The following ESR1 variants were observed in gnomAD, a reference collection of about 807,000 sequenced individuals.
The protein encoded by ESR1 is estrogen receptor 1, also known as estrogen receptor.
A neutral mutation model predicts 52.7 loss-of-function variants in ESR1; 12 were observed. That is an observed-to-expected ratio of 0.23 (90% CI 0.15 to 0.37). The LOEUF is 0.37. ESR1 is among the 10% of genes least tolerant of loss of function. The pLI, the probability that ESR1 is intolerant of heterozygous loss-of-function variation, is 1.00. For synonymous variants in ESR1, 305 were observed against 316.8 expected (o/e 0.96, Z 0.39); for missense variants, 584 against 779.7 (o/e 0.75, Z 2.99).
intron 1 of ESR1, among the ~76,000 whole-genome samples, chr6:151,832,441 A>G (rs1782596423): frequency 6.6e-6 from 1 of 152,252 alleles, no homozygotes; most frequent in African/African-American, 2.4e-5. Context: ...CATAGCAATT[A>G]GAAATACCCA....
chr6:152,077,243 T>C (rs2048815289), intron 6 of ESR1, among the ~76,000 whole-genome samples: 1 of 152,200 alleles, frequency 6.6e-6, no homozygotes, highest in Admixed American at 6.5e-5. Context: ...CCCCAAACCT[T>C]GGCAGCTTTC....
chr6:152,071,208 G>C (rs1338245170), intron 6 of ESR1, among the ~76,000 whole-genome samples: 1 of 144,496 alleles, frequency 6.9e-6, no homozygotes, highest in Non-Finnish European at 1.5e-5. Context: ...ATGATCTGAT[G>C]GTAAAGACAG....
rs181688966 is a variant in ESR1 at position 151,844,664 on chromosome 6, C to T, written c.643+1877C>T. ...TAACAGATCAGCCCTGGCCCGTGGC[C>T]GATCCCTGATTTAATGTTTATTTAT... On this transcript the variant is annotated intron_variant, in intron 2 of 7. Transcript: ENST00000206249. Among the ~76,000 whole-genome samples, 3 of 152,176 alleles carry T rather than the reference C, an allele frequency of 2.0e-5. No individual in the cohort carries two copies. In the East Asian group the frequency reaches 5.8e-4, roughly 29 times the overall value.
chr6:151,711,978 C>T lies in ESR1; in HGVS notation c.-71+9973C>T, dbSNP rs906700421. On this transcript the variant is annotated intron_variant, in intron 2 of 2. Transcript: ENST00000404742. ...TTTTCTTCTAGGGTTTTTATGGTTT[C>T]GGGTCTTACATTTAAGTTTTTAATC... is the stretch of plus-strand genomic sequence containing the variant. Among the ~76,000 whole-genome samples, 8 of 152,116 alleles carry T rather than the reference C, an allele frequency of 5.3e-5. No homozygotes were observed. In the East Asian group the frequency reaches 5.8e-4, roughly 11 times the overall value.
chr6:151,766,575 T>C (rs1333305076), intron 2 of ESR1, among the ~76,000 whole-genome samples: 1 of 152,164 alleles, frequency 6.6e-6, no homozygotes, highest in Admixed American at 6.5e-5. Context: ...AATATCAAGA[T>C]TCTATTTGAA....
intron 3 of ESR1, among the ~76,000 whole-genome samples, chr6:151,918,034 G>A (rs1308076455): frequency 2.6e-5 from 4 of 152,214 alleles, no homozygotes; most frequent in Admixed American, 1.3e-4. Context: ...TTTGTCAAGT[G>A]CTTTTCAGTC....
intron 2 of ESR1, among the ~76,000 whole-genome samples, chr6:151,769,747 T>C (rs1785357119): frequency 6.6e-6 from 1 of 152,218 alleles, no homozygotes; most frequent in African/African-American, 2.4e-5. Context: ...GGATATTTAT[T>C]TATGTTTCCA....
At chr6:151,865,747 T>C (rs1789782852) in intron 2 of ESR1, among the ~76,000 whole-genome samples, 1 of 152,164 alleles carries the variant, frequency 6.6e-6, no homozygotes, top group Admixed American at 6.6e-5. Flanking sequence ...GTGTGGCCTG[T>C]GGATGTTAAG....
At position 151,781,903 on chromosome 6, in the gene ESR1, T is replaced by C. The variant is rs1383509915; in HGVS notation, c.-70-25940T>C. On this transcript the variant is annotated intron_variant, in intron 2 of 2. Transcript: ENST00000404742. ...AGAGTGTCTGGTATAAATGATTTTATTGTTACTCTGCTTTTTTGAAAAAGA... is the reference window on the plus strand; with the variant it reads ...AGAGTGTCTGGTATAAATGATTTTACTGTTACTCTGCTTTTTTGAAAAAGA... 1.3e-5 allele frequency among the ~76,000 whole-genome samples: 2 copies of C among 152,364 alleles called. 1 individual carries two copies. Among genetic ancestry groups the C allele is most frequent in the East Asian group, 3.9e-4 (2 of 5,194 alleles).
intron 5 of ESR1, among the ~76,000 whole-genome samples, chr6:152,015,578 T>A (rs534563629): frequency 7.4e-4 from 112 of 152,286 alleles, no homozygotes; most frequent in African/African-American, 2.6e-3. Flanking sequence ...AAATATTTGT[T>A]AATTGCACTG....
chr6:151,741,167 G>T (rs932380705), intron 2 of ESR1, among the ~76,000 whole-genome samples: 1 of 152,010 alleles, frequency 6.6e-6, no homozygotes, highest in African/African-American at 2.4e-5. Context: ...AATCTTTCTG[G>T]TATCATAACT....
intron 1 of ESR1, among the ~76,000 whole-genome samples, chr6:151,841,254 A>T (rs528724682): frequency 6.6e-6 from 1 of 152,270 alleles, no homozygotes; most frequent in East Asian, 1.9e-4. Flanking sequence ...TGGGTCTTAT[A>T]TTCTTCAGCT....
intron 3 of ESR1, among the ~76,000 whole-genome samples, chr6:151,882,153 G>A (rs899917975): frequency 6.6e-6 from 1 of 152,184 alleles, no homozygotes; most frequent in African/African-American, 2.4e-5. Flanking sequence ...GCAGGAGGAA[G>A]GAGAGGAAAG....
chr6:152,054,961 T>C (rs2046981261), intron 5 of ESR1, among the ~76,000 whole-genome samples: 1 of 152,226 alleles, frequency 6.6e-6, no homozygotes, highest in Non-Finnish European at 1.5e-5. Flanking sequence ...TTGGGAGCAA[T>C]GTCTAACATA....
chr6:151,876,017 C>T (rs139041448), intron 2 of ESR1, among the ~76,000 whole-genome samples: 2 of 151,994 alleles, frequency 1.3e-5, no homozygotes, highest in African/African-American at 2.4e-5. Context: ...AAGGGTCCTG[C>T]GGTGGGCTGT....
At chr6:152,122,020 G>A (rs958947927) in intron 6 of ESR1, 1 of 254,456 alleles carries the variant, frequency 3.9e-6, no homozygotes, top group Non-Finnish European at 7.7e-6. Context: ...TTGGTAGATT[G>A]TACGACACTG....
chr6:152,005,492 A>G (rs2042259709), intron 4 of ESR1, among the ~76,000 whole-genome samples: 1 of 152,070 alleles, frequency 6.6e-6, no homozygotes, highest in South Asian at 2.1e-4. Flanking sequence ...TAAACCTAAA[A>G]TATTTTAAAA....
At chr6:152,089,068 G>A (rs2049973652) in intron 6 of ESR1, among the ~76,000 whole-genome samples, 1 of 152,120 alleles carries the variant, frequency 6.6e-6, no homozygotes, top group Non-Finnish European at 1.5e-5. Flanking sequence ...ATATCCTTTG[G>A]ATGAGCAATG....
intron 3 of ESR1, among the ~76,000 whole-genome samples, chr6:151,898,178 G>A (rs1445065790): frequency 6.6e-6 from 1 of 152,124 alleles, no homozygotes; most frequent in African/African-American, 2.4e-5. Context: ...CCTAGGCAAT[G>A]ATCTTTTTGT....
Sources: gnomAD v4.1 joint callset for allele counts (sites outside exome capture counted in the v4.1 genomes callset) on GRCh38, gnomAD v4.1.1 for gene constraint, MANE v1.5 for transcripts, NCBI Gene and HGNC (gene_info 2026-07-23, HGNC 2026-07-21) for gene names.